The following RIMBP2 variants were observed in gnomAD, a reference collection of about 807,000 sequenced individuals.
RIMBP2 encodes the protein RIMS binding protein 2.
RIMBP2 carries 48 observed loss-of-function variants against 118.6 expected under a neutral mutation model. The ratio of observed to expected loss-of-function variants is 0.40; its 90% CI spans 0.32 to 0.51. The LOEUF is 0.51. Among genes scored for constraint, RIMBP2 ranks in the 20% least tolerant of loss-of-function variants. The pLI is 0.41. For missense variants in RIMBP2, 1,551 were observed against 1,768.3 expected (o/e 0.88, Z 2.20); for synonymous variants, 762 against 742.9 (o/e 1.03, Z -0.42).
intron 1 of RIMBP2, among the ~76,000 whole-genome samples, chr12:130,669,995 G>A (rs1482736171): frequency 1.3e-5 from 2 of 152,118 alleles, no homozygotes; most frequent in African/African-American, 4.8e-5. Flanking sequence ...TTAAATTAGG[G>A]ATCTTGAGAT....
intron 2 of RIMBP2, among the ~76,000 whole-genome samples, chr12:130,563,963 T>C (rs549174107): frequency 0.01 from 1,530 of 151,708 alleles, 70 homozygotes; most frequent in East Asian, 0.075. Context: ...TGCTGCTACA[T>C]TTTCCCCTCG....
Position 130,414,158 on chromosome 12 carries a change from C to T in RIMBP2, c.3387G>A (p.Glu1129=), listed in dbSNP as rs1206443016. Residue 1129 remains glutamate (E), a synonymous_variant, in exon 18 of 23, where the codon GAG becomes GAA. Coordinates refer to ENST00000690449, the MANE Select transcript of RIMBP2 (RefSeq NM_001393629.1). ...TMSPNPDAAE[E]ELPFKEGQII... is the part of the protein sequence containing the mutation. ...TCTGGCCTTCTTTAAAGGGAAGCTC[C>T]TCCTCTGCAGCATCTGGGTTTGGGG... 1 of 1,614,214 alleles carries T rather than the reference C, an allele frequency of 6.2e-7. No individual in the cohort carries two copies. Among genetic ancestry groups the T allele is most frequent in the Non-Finnish European group, 8.5e-7 (1 of 1,180,042 alleles).
In RIMBP2 at chr12:130,621,792, C is replaced by T. The variant is rs1360000496; in HGVS notation, c.-217+6530G>A. Among the ~76,000 whole-genome samples, 1 of 152,160 alleles carries T rather than the reference C, an allele frequency of 6.6e-6. No homozygotes were observed. The highest frequency in any genetic ancestry group is 6.5e-5 in the Admixed American group (1 of 15,288). ...CGACATTTCCAAAACTCTTGCCAAA[C>T]ACATTTGTACTCTACCCTTTTACTG... On this transcript the variant is annotated intron_variant, in intron 2 of 22. Transcript: ENST00000690449. The surrounding 1 kb of genome is among the most constrained non-coding windows in gnomAD (Gnocchi z 6.6).
In RIMBP2 at chr12:130,511,543, A is replaced by C. The variant is rs1347162568; in HGVS notation, c.-126-4773T>G. ...GGTTTGTCACTTCCTCTACTGGTAC[A>C]GCCCCCAGGGCTTCAGTCACCCCAG... is the stretch of plus-strand genomic sequence containing the variant. On this transcript the variant is annotated intron_variant, in intron 3 of 22. Transcript: ENST00000690449. This position sits in a 1 kb window ranked among gnomAD's most constrained non-coding sequence, Gnocchi z 4.3. Among the ~76,000 whole-genome samples, 24 of 152,212 alleles carry C rather than the reference A, an allele frequency of 1.6e-4. No individual in the cohort carries two copies. The highest frequency in any genetic ancestry group is 2.9e-5 in the Non-Finnish European group (2 of 68,004).
intron 1 of RIMBP2, among the ~76,000 whole-genome samples, chr12:130,639,487 C>CAAAAAAAAAAAAAAAAAAAA (rs138670754): frequency 4.5e-5 from 4 of 88,086 alleles, no homozygotes; most frequent in African/African-American, 1.5e-4. Context: ...GATCCTGCCT[C>CAAAAAAAAAAAAAAAAAAAA]AAAAAAAAAA....
chr12:130,554,417 A>G (rs2056138133), intron 2 of RIMBP2, among the ~76,000 whole-genome samples: 1 of 152,230 alleles, frequency 6.6e-6, no homozygotes, highest in Non-Finnish European at 1.5e-5. Context: ...ACAAACAGGT[A>G]GAGAGTGCAT....
chr12:130,709,609 C>T (rs540685871), intron 1 of RIMBP2, among the ~76,000 whole-genome samples: 103 of 152,314 alleles, frequency 6.8e-4, no homozygotes, highest in African/African-American at 2.1e-3. Context: ...AACAAAGCTG[C>T]CTGTTGCCCC....
chr12:130,699,895 ACT>A (rs1484072861), intron 1 of RIMBP2, among the ~76,000 whole-genome samples: 2 of 121,194 alleles, frequency 1.7e-5, no homozygotes, highest in African/African-American at 3.2e-5. Flanking sequence ...ATGGTGTGAG[ACT>A]CTGTCTTAAA....
intron 21 of RIMBP2, among the ~76,000 whole-genome samples, chr12:130,405,686 G>GT: frequency 6.6e-6 from 1 of 151,384 alleles, no homozygotes; most frequent in East Asian, 1.9e-4. Flanking sequence ...TGGGGGCGGG[G>GT]TGGGGGGTTC....
intron 21 of RIMBP2, among the ~76,000 whole-genome samples, chr12:130,400,864 G>A (rs1302470241): frequency 6.6e-6 from 1 of 152,188 alleles, no homozygotes; most frequent in Admixed American, 6.5e-5. Context: ...CCAGGGAAAT[G>A]CAGTTCAAAA....
In RIMBP2 at chr12:130,422,037, G is replaced by T. The variant is rs1172194575; in HGVS notation, c.3238+416C>A. On this transcript the variant is annotated intron_variant, in intron 17 of 22. Transcript: ENST00000690449. This position sits in a 1 kb window ranked among gnomAD's most constrained non-coding sequence, Gnocchi z 5.2. ...CCCAGGATTTAGCTCTGCTGCCAGC[G>T]TGTCTTCTGCAGACAGGCAGCATTC... Among the ~76,000 whole-genome samples, 1 of 152,312 alleles carries T rather than the reference G, an allele frequency of 6.6e-6. No homozygotes were observed. The highest frequency in any genetic ancestry group is 3.4e-3 in the Middle Eastern group (1 of 294).
At chr12:130,656,753 G>C (rs1040715218) in intron 1 of RIMBP2, among the ~76,000 whole-genome samples, 16 of 152,034 alleles carry the variant, frequency 1.1e-4, no homozygotes, top group Non-Finnish European at 2.4e-4. Flanking sequence ...AAAAAAGCAA[G>C]ATCTCATTAG....
rs1046142753 is a variant in RIMBP2, at chr12:130,424,042, A to T, written c.3129+100T>A. The T allele has an allele frequency of 2.4e-5, 14 of 580,710 alleles. No individual in the cohort carries two copies. The highest frequency in any genetic ancestry group is 3.3e-5 in the Non-Finnish European group (13 of 393,118). The allele number at this position is 580,710 out of a possible 1,614,324, so 36.0% of individuals were successfully genotyped here. A position where few individuals can be genotyped will look rare whatever the true frequency, so the allele number is the denominator to read the frequency against. Reference sequence around the variant, plus strand: ...GAAAACGAAAGACAGCCAGCAAGAGAGTCCCCAGGGATGGACACCAGAACA... The same window carrying T: ...GAAAACGAAAGACAGCCAGCAAGAGTGTCCCCAGGGATGGACACCAGAACA... On this transcript the variant is annotated intron_variant, in intron 16 of 22. Coordinates refer to ENST00000690449, the MANE Select transcript of RIMBP2 (RefSeq NM_001393629.1). The surrounding 1 kb of genome is among the most constrained non-coding windows in gnomAD (Gnocchi z 9.8).
chr12:130,405,949 C>G (rs1361689733), intron 21 of RIMBP2, among the ~76,000 whole-genome samples: 2 of 152,098 alleles, frequency 1.3e-5, no homozygotes, highest in Non-Finnish European at 2.9e-5. Flanking sequence ...ATTGAAAACA[C>G]TAGTATTAGC....
At chr12:130,609,939 G>A (rs2060409441) in intron 2 of RIMBP2, among the ~76,000 whole-genome samples, 1 of 152,132 alleles carries the variant, frequency 6.6e-6, no homozygotes, top group Non-Finnish European at 1.5e-5. Context: ...ATGAATCAGA[G>A]GATGCCCTCA....
intron 1 of RIMBP2, among the ~76,000 whole-genome samples, chr12:130,632,427 T>TG (rs1412374124): frequency 1.3e-5 from 2 of 151,908 alleles, no homozygotes; most frequent in Non-Finnish European, 2.9e-5. Flanking sequence ...AAGAAAAAAT[T>TG]GGGGGGTGGG....
chr12:130,675,666 T>C (rs2064426737), intron 1 of RIMBP2, among the ~76,000 whole-genome samples: 2 of 152,238 alleles, frequency 1.3e-5, no homozygotes, highest in South Asian at 4.1e-4. Flanking sequence ...CAGATCGGTT[T>C]CAGCTTTATA....
At position 130,434,798 on chromosome 12, in the gene RIMBP2, G is replaced by A; in HGVS notation, c.2189C>T (p.Pro730Leu). Residue 730 changes from proline (P) to leucine (L), a missense_variant, in exon 14 of 23, where the codon CCA becomes CTA. Coordinates refer to ENST00000690449, the MANE Select transcript of RIMBP2 (RefSeq NM_001393629.1). This position sits in a 1 kb window ranked among gnomAD's most constrained non-coding sequence, Gnocchi z 5.7. Reference protein sequence around the residue: ...ASDEEDAYDSPDFKRRGASVD... With the variant: ...ASDEEDAYDSLDFKRRGASVD... Reference sequence around the variant, plus strand: ...CGAGGCGCCCCTCCTCTTGAAGTCTGGAGAGTCATAGGCGTCCTCCTCGTC... The same window carrying A: ...CGAGGCGCCCCTCCTCTTGAAGTCTAGAGAGTCATAGGCGTCCTCCTCGTC... 6 of 1,613,956 alleles carry A rather than the reference G, an allele frequency of 3.7e-6. No homozygotes were observed. Among genetic ancestry groups the A allele is most frequent in the Non-Finnish European group, 5.1e-6 (6 of 1,180,006 alleles).
intron 7 of RIMBP2, among the ~76,000 whole-genome samples, chr12:130,453,368 G>A (rs960704422): frequency 3.3e-5 from 5 of 152,246 alleles, no homozygotes; most frequent in Admixed American, 6.5e-5. Context: ...ACATCCACCC[G>A]GGACCCCTTC....
Sources: gnomAD v4.1 joint callset for allele counts (sites outside exome capture counted in the v4.1 genomes callset) on GRCh38, gnomAD v4.1.1 for gene constraint, Gnocchi (gnomAD v3.1) non-coding constraint, MANE v1.5 for transcripts, NCBI Gene and HGNC (gene_info 2026-07-23, HGNC 2026-07-21) for gene names.